The following CCSER1 variants were observed in gnomAD, a reference collection of about 807,000 sequenced individuals.
CCSER1 encodes coiled-coil serine rich protein 1.
Under a neutral mutation model 82.0 loss-of-function variants are expected in CCSER1, and 41 were observed. The observed-to-expected ratio is 0.50, with a 90% CI of 0.39 to 0.65. The LOEUF is 0.65. CCSER1 is among the 30% of genes least tolerant of loss of function. The probability of loss-of-function intolerance (pLI) is 0.00; values close to 1 mark genes in which losing one functional copy is unlikely to be tolerated. For missense variants in CCSER1, 1,119 were observed against 1,064.2 expected (o/e 1.05, Z -0.72); for synonymous variants, 414 against 383.9 (o/e 1.08, Z -0.92).
At chr4:91,404,941 G>T (rs985030147) in intron 10 of CCSER1, among the ~76,000 whole-genome samples, 2 of 152,124 alleles carry the variant, frequency 1.3e-5, no homozygotes, top group Non-Finnish European at 2.9e-5. Context: ...TTCAATTCCT[G>T]GATATCCTTG....
intron 9 of CCSER1, among the ~76,000 whole-genome samples, chr4:90,966,674 A>T (rs1260751155): frequency 6.6e-6 from 1 of 152,162 alleles, no homozygotes; most frequent in Non-Finnish European, 1.5e-5. Flanking sequence ...CTGTATAACT[A>T]CACAGGAAAA....
chr4:90,164,306 C>T (rs1468678944), intron 1 of CCSER1, among the ~76,000 whole-genome samples: 6 of 148,410 alleles, frequency 4.0e-5, no homozygotes, highest in East Asian at 2.0e-4. Flanking sequence ...ACTTGTCTAT[C>T]GCAGAATTGA....
At chr4:90,863,083 T>TC in intron 8 of CCSER1, among the ~76,000 whole-genome samples, 1 of 150,966 alleles carries the variant, frequency 6.6e-6, no homozygotes, top group Non-Finnish European at 1.5e-5. Flanking sequence ...ATGCTATCCC[T>TC]CCCCGCTCCC....
chr4:91,297,413 G>A lies in CCSER1; in HGVS notation c.2217+211419G>A, dbSNP rs952975825. Among the ~76,000 whole-genome samples the A allele has an allele frequency of 1.6e-4, 24 of 150,140 alleles. 1 individual carries two copies. The highest frequency in any genetic ancestry group is 1.4e-3 in the Admixed American group (21 of 15,038). ...TGTGTGTGTGTGTGTGTGTGTGTGT[G>A]TGTGTGTGTGTTAGGGAGACAGATG... On this transcript the variant is annotated intron_variant, in intron 10 of 10. Coordinates refer to ENST00000509176, the MANE Select transcript of CCSER1 (RefSeq NM_001145065.2).
At chr4:90,768,775 G>A (rs1257181079) in intron 7 of CCSER1, among the ~76,000 whole-genome samples, 1 of 152,292 alleles carries the variant, frequency 6.6e-6, no homozygotes, top group African/African-American at 2.4e-5. Flanking sequence ...AAGACTGGAC[G>A]ATTTGCCTAA....
chr4:90,598,970 A>G (rs1375679737), intron 5 of CCSER1, among the ~76,000 whole-genome samples: 2 of 152,204 alleles, frequency 1.3e-5, no homozygotes, highest in African/African-American at 2.4e-5. Context: ...CCATTAGAAC[A>G]TAATGCACTC....
chr4:90,863,398 T>C (rs1765332892), intron 8 of CCSER1, among the ~76,000 whole-genome samples: 1 of 151,932 alleles, frequency 6.6e-6, no homozygotes, highest in South Asian at 2.1e-4. Context: ...TTCCTCTGCC[T>C]CCAGTTCAAT....
intron 10 of CCSER1, among the ~76,000 whole-genome samples, chr4:91,545,338 C>CA (rs1252007917): frequency 6.6e-6 from 1 of 152,080 alleles, no homozygotes; most frequent in Non-Finnish European, 1.5e-5. Flanking sequence ...CACTGTCCGA[C>CA]AAGCCCCAGT....
chr4:90,924,528 G>A (rs1728807132), intron 9 of CCSER1, among the ~76,000 whole-genome samples: 1 of 152,044 alleles, frequency 6.6e-6, no homozygotes, highest in Non-Finnish European at 1.5e-5. Flanking sequence ...ATTTACTCTA[G>A]ATATCTAAAT....
At chr4:90,972,973 G>T (rs968337326) in intron 9 of CCSER1, among the ~76,000 whole-genome samples, 5 of 151,710 alleles carry the variant, frequency 3.3e-5, no homozygotes, top group African/African-American at 1.2e-4. Context: ...GTAGAAGAAA[G>T]AAACTGGACC....
At chr4:90,259,678 A>C (rs1039935303) in intron 1 of CCSER1, among the ~76,000 whole-genome samples, 3 of 151,990 alleles carry the variant, frequency 2.0e-5, no homozygotes, top group African/African-American at 7.2e-5. Context: ...GGGATGCTGG[A>C]TTTTACCAAG....
intron 8 of CCSER1, among the ~76,000 whole-genome samples, chr4:90,850,854 T>C (rs1651791766): frequency 1.3e-5 from 2 of 152,182 alleles, no homozygotes; most frequent in African/African-American, 4.8e-5. Context: ...GAGGACATGA[T>C]ATTTGGTAGG....
intron 10 of CCSER1, among the ~76,000 whole-genome samples, chr4:91,346,746 T>C (rs558148887): frequency 6.6e-6 from 1 of 152,334 alleles, no homozygotes; most frequent in South Asian, 2.1e-4. Context: ...ATGTTGAGCA[T>C]TTTTTCATGT....
chr4:90,414,736 A>G (rs151098837), intron 4 of CCSER1, among the ~76,000 whole-genome samples: 2 of 152,260 alleles, frequency 1.3e-5, no homozygotes, highest in African/African-American at 4.8e-5. Context: ...AGCATTTAAT[A>G]TTTCAAAGAC....
intron 10 of CCSER1, among the ~76,000 whole-genome samples, chr4:91,446,527 A>T (rs1419891225): frequency 9.9e-5 from 15 of 151,380 alleles, no homozygotes; most frequent in Non-Finnish European, 7.4e-5. Context: ...AAAGTCTGTA[A>T]CCCCAGATGA....
intron 10 of CCSER1, among the ~76,000 whole-genome samples, chr4:91,339,353 C>T (rs918399235): frequency 1.3e-5 from 2 of 151,778 alleles, no homozygotes; most frequent in Non-Finnish European, 2.9e-5. Flanking sequence ...CTATATAGTT[C>T]CTCTTTTTAT....
At chr4:90,490,526 A>G (rs1767830339) in intron 5 of CCSER1, among the ~76,000 whole-genome samples, 1 of 152,092 alleles carries the variant, frequency 6.6e-6, no homozygotes, top group South Asian at 2.1e-4. Flanking sequence ...CTTTAGTTTA[A>G]TTAGATCCCA....
chr4:90,252,369 C>A (rs1192543205), intron 1 of CCSER1, among the ~76,000 whole-genome samples: 1 of 151,754 alleles, frequency 6.6e-6, no homozygotes, highest in Non-Finnish European at 1.5e-5. Flanking sequence ...TTATTTTCTT[C>A]TTCATTAATC....
chr4:90,459,947 T>G (rs1410863558), intron 4 of CCSER1, among the ~76,000 whole-genome samples: 2 of 152,180 alleles, frequency 1.3e-5, no homozygotes. Context: ...TTCATAACTT[T>G]TGCTATTTTT....
Sources: gnomAD v4.1 joint callset for allele counts (sites outside exome capture counted in the v4.1 genomes callset) on GRCh38, gnomAD v4.1.1 for gene constraint, MANE v1.5 for transcripts, NCBI Gene and HGNC (gene_info 2026-07-23, HGNC 2026-07-21) for gene names.